The following IPMK variants were observed in gnomAD, a reference collection of about 807,000 sequenced individuals.
IPMK encodes inositol 1,3,4,6-tetrakisphosphate 5-kinase.
IPMK carries 17 observed loss-of-function variants against 45.8 expected under a neutral mutation model. That is an observed-to-expected ratio of 0.37 (90% CI 0.25 to 0.56). The LOEUF (loss-of-function observed/expected upper bound fraction) is 0.56. Ranked by LOEUF, IPMK falls within the 20% of genes least tolerant of loss-of-function variation. IPMK has a pLI of 0.79. For synonymous variants in IPMK, 180 were observed against 184.3 expected (o/e 0.98, Z 0.19); for missense variants, 399 against 498.0 (o/e 0.80, Z 1.89).
intron 1 of IPMK, 130 bp from the exon 2 acceptor site, chr10:58,237,944 C>A (rs1049517524): frequency 9.1e-6 from 6 of 662,878 alleles, no homozygotes; most frequent in Admixed American, 2.7e-5. Context: ...TTACTTATTT[C>A]AGAAATTTTA....
chr10:58,233,314 C>G (rs1292546614), intron 2 of IPMK, among the ~76,000 whole-genome samples: 1 of 152,182 alleles, frequency 6.6e-6, no homozygotes, highest in Non-Finnish European at 1.5e-5. Flanking sequence ...CTCCCTAACT[C>G]ATTTTATGAG....
chr10:58,257,184 A>G (rs1462115391), intron 1 of IPMK, among the ~76,000 whole-genome samples: 1 of 152,250 alleles, frequency 6.6e-6, no homozygotes, highest in Non-Finnish European at 1.5e-5. Context: ...GATTCTGTTT[A>G]ATTTCAATTA....
At chr10:58,219,030 A>T (rs1386066605) in intron 3 of IPMK, among the ~76,000 whole-genome samples, 2 of 152,168 alleles carry the variant, frequency 1.3e-5, no homozygotes, top group Non-Finnish European at 2.9e-5. Flanking sequence ...ATTTTGTTAG[A>T]CTATCCAAAT....
chr10:58,266,204 TGA>T (rs71977727), intron 1 of IPMK, among the ~76,000 whole-genome samples: 48,652 of 151,954 alleles, frequency 0.32, 9,415 homozygotes, highest in African/African-American at 0.55. Context: ...CACAAGGCTA[TGA>T]GAGAATACAG....
intron 1 of IPMK, among the ~76,000 whole-genome samples, chr10:58,245,651 T>C (rs1413613107): frequency 6.6e-6 from 1 of 150,620 alleles, no homozygotes. Flanking sequence ...GAGAGACGTA[T>C]CTCAAAATAA....
At chr10:58,265,597 A>G (rs1044345322) in intron 1 of IPMK, among the ~76,000 whole-genome samples, 2 of 152,236 alleles carry the variant, frequency 1.3e-5, no homozygotes, top group African/African-American at 4.8e-5. Flanking sequence ...GGTTGCTAGC[A>G]CAGTATGTTT....
At chr10:58,242,978 G>A (rs1284729107) in intron 1 of IPMK, among the ~76,000 whole-genome samples, 2 of 152,080 alleles carry the variant, frequency 1.3e-5, no homozygotes, top group Admixed American at 1.3e-4. Context: ...TAAAGAAGGT[G>A]CTTGCCTTCC....
chr10:58,230,060 C>T (rs879699338), intron 2 of IPMK, among the ~76,000 whole-genome samples: 1 of 152,164 alleles, frequency 6.6e-6, no homozygotes, highest in African/African-American at 2.4e-5. Flanking sequence ...TCATTGCTAG[C>T]GCAGCAGTCT....
intron 1 of IPMK, among the ~76,000 whole-genome samples, chr10:58,262,612 T>G (rs2790163): frequency 6.6e-6 from 1 of 152,096 alleles, no homozygotes; most frequent in South Asian, 2.1e-4. Flanking sequence ...CAGGGCTCCT[T>G]GAAGAAATGG....
chr10:58,222,307 T>C (rs1481809187), intron 3 of IPMK, among the ~76,000 whole-genome samples: 1 of 152,242 alleles, frequency 6.6e-6, no homozygotes, highest in Non-Finnish European at 1.5e-5. Flanking sequence ...GTATTTCACA[T>C]GATGTAGTTT....
At position 58,267,735 on chromosome 10, in the gene IPMK, T is replaced by A; in HGVS notation, c.-124A>T. On this transcript the variant is annotated 5_prime_UTR_variant, in exon 1 of 6. Transcript: ENST00000373935. ...GAGGAGGCCCGGGGGTTCCCGCGGCTGGTGCCCTCTGAAGCGCGGGGAGGG... is the reference window on the plus strand; with the variant it reads ...GAGGAGGCCCGGGGGTTCCCGCGGCAGGTGCCCTCTGAAGCGCGGGGAGGG... The A allele has an allele frequency of 1.6e-6, 1 of 636,402 alleles. No individual in the cohort carries two copies. Among genetic ancestry groups the A allele is most frequent in the Non-Finnish European group, 2.8e-6 (1 of 358,182 alleles). The allele number at this position is 636,402 out of a possible 1,614,324, so 39.4% of individuals were successfully genotyped here. A position where few individuals can be genotyped will look rare whatever the true frequency, so the allele number is the denominator to read the frequency against.
intron 4 of IPMK, among the ~76,000 whole-genome samples, chr10:58,200,084 T>G (rs1221576635): frequency 6.6e-6 from 1 of 152,178 alleles, no homozygotes; most frequent in Admixed American, 6.5e-5. Flanking sequence ...TAAATTAATC[T>G]ACAACTAAAG....
chr10:58,200,374 C>A (rs1008135014), intron 4 of IPMK, among the ~76,000 whole-genome samples: 1 of 152,100 alleles, frequency 6.6e-6, no homozygotes, highest in African/African-American at 2.4e-5. Flanking sequence ...CCGCCTCAGC[C>A]TCTCAAAGTG....
intron 1 of IPMK, among the ~76,000 whole-genome samples, chr10:58,248,458 ATATAT>A (rs1838835399): frequency 6.6e-6 from 1 of 151,732 alleles, no homozygotes; most frequent in Non-Finnish European, 1.5e-5. Flanking sequence ...GTGTGTGCAC[ATATAT>A]TTATTTTGAT....
intron 2 of IPMK, among the ~76,000 whole-genome samples, chr10:58,230,715 G>A (rs935884699): frequency 1.3e-5 from 2 of 152,160 alleles, no homozygotes; most frequent in African/African-American, 2.4e-5. Flanking sequence ...CACAAAGATG[G>A]GAAGAAACTA....
At chr10:58,247,202 T>C (rs1838814547) in intron 1 of IPMK, among the ~76,000 whole-genome samples, 1 of 148,668 alleles carries the variant, frequency 6.7e-6, no homozygotes, top group Non-Finnish European at 1.5e-5. Context: ...TTTACACTGT[T>C]GCTGGGACTG....
intron 1 of IPMK, among the ~76,000 whole-genome samples, chr10:58,259,338 A>C (rs1839021555): frequency 6.6e-6 from 1 of 152,144 alleles, no homozygotes; most frequent in Non-Finnish European, 1.5e-5. Flanking sequence ...AAAACAGGAA[A>C]TATCAAAAAG....
chr10:58,201,801 C>T (rs1362127358), intron 4 of IPMK, among the ~76,000 whole-genome samples: 2 of 152,180 alleles, frequency 1.3e-5, no homozygotes, highest in African/African-American at 4.8e-5. Flanking sequence ...AAAGAAAAAG[C>T]TCTTGAAGGA....
chr10:58,238,196 C>T (rs756700731), intron 1 of IPMK, among the ~76,000 whole-genome samples: 38 of 152,274 alleles, frequency 2.5e-4, no homozygotes, highest in South Asian at 6.2e-4. Flanking sequence ...ACTTTTAAAA[C>T]CAGAAAAGAA....
Sources: allele counts gnomAD v4.1 joint callset (sites outside exome capture counted in the v4.1 genomes callset), GRCh38; gene constraint gnomAD v4.1.1; transcripts MANE v1.5; gene names NCBI Gene and HGNC (gene_info 2026-07-23, HGNC 2026-07-21).